The following DYRK1A variants were observed in gnomAD, a reference collection of about 807,000 sequenced individuals.
DYRK1A encodes dual specificity tyrosine phosphorylation regulated kinase 1A, also known as dual specificity tyrosine-phosphorylation-regulated kinase 1A.
In DYRK1A, 9 loss-of-function variants were observed where a neutral mutation model predicts 79.7. The ratio of observed to expected loss-of-function variants is 0.11; its 90% CI spans 0.07 to 0.20. The LOEUF (loss-of-function observed/expected upper bound fraction) is 0.20, where lower values mean the gene tolerates loss of function less well. Ranked by LOEUF, DYRK1A falls within the 10% of genes least tolerant of loss-of-function variation. The pLI is 1.00. For synonymous variants in DYRK1A, 349 were observed against 329.7 expected, an observed-to-expected ratio of 1.06 and a Z score of -0.63; for missense variants, 622 against 956.0, an observed-to-expected ratio of 0.65 and a Z score of 4.61.
At chr21:37,460,075 G>C (rs2051787673) in intron 2 of DYRK1A, among the ~76,000 whole-genome samples, 2 of 151,478 alleles carry the variant, frequency 1.3e-5, no homozygotes, top group South Asian at 2.1e-4. Context: ...TATTTCAGTT[G>C]CTATGTTAGA....
At chr21:37,379,415 G>A (rs954032686) in intron 1 of DYRK1A, among the ~76,000 whole-genome samples, 5 of 152,192 alleles carry the variant, frequency 3.3e-5, no homozygotes, top group Non-Finnish European at 5.9e-5. Flanking sequence ...TTTGGAGATA[G>A]GAAAAAGAGT....
chr21:37,419,073 A>G (rs1270818375), intron 1 of DYRK1A: 1 of 152,216 alleles, frequency 6.6e-6, no homozygotes, highest in African/African-American at 2.4e-5. Context: ...ACTCAAATCT[A>G]TATTATGACC....
At chr21:37,418,926 T>C (rs1233421831) in intron 1 of DYRK1A, 1 of 152,192 alleles carries the variant, frequency 6.6e-6, no homozygotes, top group East Asian at 1.9e-4. Flanking sequence ...ATATTGTCTC[T>C]GAGGTTCTTT....
chr21:37,447,900 G>A (rs551282776), intron 2 of DYRK1A, among the ~76,000 whole-genome samples: 1 of 151,830 alleles, frequency 6.6e-6, no homozygotes, highest in African/African-American at 2.4e-5. Flanking sequence ...GAATTGTGGC[G>A]ATTAAAAAAA....
At chr21:37,436,343 A>G (rs1236928134) in intron 2 of DYRK1A, among the ~76,000 whole-genome samples, 1 of 152,198 alleles carries the variant, frequency 6.6e-6, no homozygotes, top group Non-Finnish European at 1.5e-5. Context: ...CACAGTGATC[A>G]AGGACTCCGG....
intron 1 of DYRK1A, among the ~76,000 whole-genome samples, chr21:37,417,312 T>C (rs2050362137): frequency 6.6e-6 from 1 of 151,976 alleles, no homozygotes; most frequent in Admixed American, 6.6e-5. Context: ...TGCCTCAGCC[T>C]CCTGAGTAGC....
chr21:37,505,171 C>A, intron 9 of DYRK1A, 112 bp from the exon 10 acceptor site: 1 of 841,334 alleles, frequency 1.2e-6, no homozygotes, highest in Non-Finnish European at 1.8e-6. Context: ...ATGAAGTGTC[C>A]TTTTTAATAA....
intron 4 of DYRK1A, among the ~76,000 whole-genome samples, chr21:37,479,215 C>T (rs902955961): frequency 1.2e-4 from 19 of 152,068 alleles, no homozygotes; most frequent in African/African-American, 4.1e-4. Flanking sequence ...AGTGTGGCAA[C>T]GTAAAATTAG....
rs539901304 is a variant in DYRK1A at position 37,368,022 on chromosome 21, T to C, written c.-77+394T>C. 72 of 153,614 alleles carry C rather than the reference T, an allele frequency of 4.7e-4. No individual in the cohort carries two copies. The South Asian group carries it at 0.013, about 29-fold the overall frequency. 9.5% of individuals were successfully genotyped at this position (153,614 alleles called of 1,614,324 possible). A position where few individuals can be genotyped will look rare whatever the true frequency, so the allele number is the denominator to read the frequency against. ...CGTCCCTCCTCTCGGTCCCCACCAG[T>C]GTGGGAACCGCCGGGGTGATTCGCA... is the stretch of plus-strand genomic sequence containing the variant. On this transcript the variant is annotated intron_variant, in intron 1 of 11. Coordinates refer to ENST00000647188, the MANE Select transcript of DYRK1A (RefSeq NM_001347721.2).
intron 1 of DYRK1A, among the ~76,000 whole-genome samples, chr21:37,394,010 G>T (rs1419717776): frequency 6.6e-6 from 1 of 152,088 alleles, no homozygotes; most frequent in African/African-American, 2.4e-5. Flanking sequence ...GGCCAGCCCA[G>T]ATTCAGGGGG....
chr21:37,523,199 C>T lies in DYRK1A; in HGVS notation c.*10668C>T, dbSNP rs542154216. On this transcript the variant is annotated 3_prime_UTR_variant, in exon 12 of 12. Transcript: ENST00000647188. ...GGACCACAGGCGCATGCCACTGTGC[C>T]TGGCTAAATTATTTTATATTTTGTA... is the stretch of plus-strand genomic sequence containing the variant. 6.6e-6 allele frequency: 1 copy of T among 152,256 alleles called. No homozygotes were observed. The highest frequency in any genetic ancestry group is 1.9e-4 in the East Asian group (1 of 5,172). The allele number at this position is 152,256 out of a possible 1,614,324, so 9.4% of individuals were successfully genotyped here. A position where few individuals can be genotyped will look rare whatever the true frequency, so the allele number is the denominator to read the frequency against.
chr21:37,494,098 G>A (rs897686701), intron 8 of DYRK1A, among the ~76,000 whole-genome samples: 1 of 151,746 alleles, frequency 6.6e-6, no homozygotes, highest in East Asian at 1.9e-4. Flanking sequence ...CACCATGTTG[G>A]CCAGGCTGCT....
intron 1 of DYRK1A, among the ~76,000 whole-genome samples, chr21:37,396,074 T>G (rs1459440995): frequency 6.6e-6 from 1 of 152,192 alleles, no homozygotes; most frequent in Non-Finnish European, 1.5e-5. Context: ...TTCTGTGTAG[T>G]GCAGGGCCAG....
chr21:37,475,728 T>TA, intron 3 of DYRK1A, among the ~76,000 whole-genome samples: 1 of 152,224 alleles, frequency 6.6e-6, no homozygotes, highest in Non-Finnish European at 1.5e-5. Flanking sequence ...CACACTCATA[T>TA]TGAGTGCAGA....
At chr21:37,368,198 C>G (rs1314287291) in intron 1 of DYRK1A, 3 of 152,014 alleles carry the variant, frequency 2.0e-5, no homozygotes. Context: ...CACTGGCCTC[C>G]GAAGTTGGGC....
At chr21:37,434,937 A>G (rs1336206780) in intron 2 of DYRK1A, among the ~76,000 whole-genome samples, 1 of 152,220 alleles carries the variant, frequency 6.6e-6, no homozygotes, top group Non-Finnish European at 1.5e-5. Flanking sequence ...TAGGTGGGGA[A>G]AAAAGTTGAA....
At chr21:37,463,206 G>GTGTGTGTGTGTGTA (rs1248593784) in intron 2 of DYRK1A, among the ~76,000 whole-genome samples, 9 of 73,260 alleles carry the variant, frequency 1.2e-4, no homozygotes, top group Non-Finnish European at 1.8e-4. Flanking sequence ...GTTGGCACGT[G>GTGTGTGTGTGTGTA]TGTGTGTGTG....
chr21:37,505,986 T>G, intron 10 of DYRK1A, 113 bp from the exon 11 acceptor site: 2 of 1,261,524 alleles, frequency 1.6e-6, no homozygotes, highest in Admixed American at 2.7e-5. Flanking sequence ...TTAGAGATTT[T>G]GTATGTGTGT....
At chr21:37,381,958 G>T (rs140366122) in intron 1 of DYRK1A, among the ~76,000 whole-genome samples, 11 of 152,308 alleles carry the variant, frequency 7.2e-5, no homozygotes, top group African/African-American at 2.4e-4. Flanking sequence ...AGAATGAGTC[G>T]TGTAGTTAGA....
Sources: gnomAD v4.1 joint callset for allele counts (sites outside exome capture counted in the v4.1 genomes callset) on GRCh38, gnomAD v4.1.1 for gene constraint, MANE v1.5 for transcripts, NCBI Gene and HGNC (gene_info 2026-07-23, HGNC 2026-07-21) for gene names.